The following HACD2 variants were observed in gnomAD, a reference collection of about 807,000 sequenced individuals.
HACD2 encodes the protein very-long-chain (3R)-3-hydroxyacyl-CoA dehydratase 2.
In HACD2, 15 loss-of-function variants were observed where a neutral mutation model predicts 31.0. The observed-to-expected ratio is 0.48, with a 90% CI of 0.32 to 0.75. The LOEUF is 0.75. HACD2 is among the 30% of genes least tolerant of loss of function. The pLI is 0.03. For missense variants in HACD2, 283 were observed against 313.0 expected (o/e 0.90, Z 0.72); for synonymous variants, 115 against 122.2 (o/e 0.94, Z 0.39).
chr3:123,579,749 G>A (rs2056945875), intron 2 of HACD2, among the ~76,000 whole-genome samples: 1 of 152,120 alleles, frequency 6.6e-6, no homozygotes. Flanking sequence ...GTAGCTTGTG[G>A]GAACTGTACT....
At chr3:123,534,363 T>C (rs1297197856) in intron 3 of HACD2, among the ~76,000 whole-genome samples, 1 of 152,016 alleles carries the variant, frequency 6.6e-6, no homozygotes, top group Non-Finnish European at 1.5e-5. Flanking sequence ...TACCTAGTAA[T>C]GTCCATTGTT....
At chr3:123,546,412 T>C (rs1269923826) in intron 3 of HACD2, among the ~76,000 whole-genome samples, 3 of 152,204 alleles carry the variant, frequency 2.0e-5, no homozygotes, top group African/African-American at 7.2e-5. Flanking sequence ...GGGTTAGCAA[T>C]GTACCCTGCT....
At chr3:123,573,962 T>C (rs2056881276) in intron 2 of HACD2, among the ~76,000 whole-genome samples, 1 of 152,256 alleles carries the variant, frequency 6.6e-6, no homozygotes, top group African/African-American at 2.4e-5. Context: ...TGGGGAAAAA[T>C]GTAAGGTCAC....
chr3:123,534,798 T>TTGTGTGTGTGTGTGTGTGTGTGTGTGTG (rs71142740), intron 3 of HACD2, among the ~76,000 whole-genome samples: 145 of 149,194 alleles, frequency 9.7e-4, no homozygotes, highest in African/African-American at 3.5e-3. Flanking sequence ...AGACGTAGGC[T>TTGTGTGTGTGTGTGTGTGTGTGTGTGTG]TGTGTGTGTG....
At chr3:123,534,376 CATT>C (rs1311420451) in intron 3 of HACD2, among the ~76,000 whole-genome samples, 1 of 151,358 alleles carries the variant, frequency 6.6e-6, no homozygotes, top group African/African-American at 2.4e-5. Context: ...CCATTGTTAA[CATT>C]ATAATGCAAC....
At chr3:123,505,987 G>A (rs992609458) in intron 4 of HACD2, among the ~76,000 whole-genome samples, 4 of 152,226 alleles carry the variant, frequency 2.6e-5, no homozygotes, top group African/African-American at 9.6e-5. Context: ...CCAAGGACAG[G>A]GGGCTGAGCT....
chr3:123,518,399 T>C (rs1012445740), intron 4 of HACD2, among the ~76,000 whole-genome samples: 2 of 152,232 alleles, frequency 1.3e-5, no homozygotes, highest in Non-Finnish European at 2.9e-5. Flanking sequence ...TTTTCTTCCA[T>C]GTTCTTTTAA....
chr3:123,580,056 C>A (rs2056949303), intron 2 of HACD2, among the ~76,000 whole-genome samples: 1 of 151,748 alleles, frequency 6.6e-6, no homozygotes, highest in African/African-American at 2.4e-5. Context: ...TTCATCATAC[C>A]ACCTACTTAA....
chr3:123,497,593 A>G (rs2055849186), intron 6 of HACD2, among the ~76,000 whole-genome samples: 1 of 152,176 alleles, frequency 6.6e-6, no homozygotes, highest in South Asian at 2.1e-4. Context: ...TCATCAATGT[A>G]TCTTGCCCTT....
At chr3:123,567,230 C>T (rs1459061870) in intron 3 of HACD2, among the ~76,000 whole-genome samples, 3 of 152,178 alleles carry the variant, frequency 2.0e-5, no homozygotes, top group Admixed American at 6.5e-5. Context: ...TTTGATGACT[C>T]GCCCCTCCCC....
At chr3:123,579,479 T>C (rs1368465923) in intron 2 of HACD2, among the ~76,000 whole-genome samples, 2 of 152,054 alleles carry the variant, frequency 1.3e-5, no homozygotes, top group East Asian at 3.9e-4. Flanking sequence ...AAAAAATTTT[T>C]TTTTTGTAGA....
rs908375596 is a variant in HACD2, at chr3:123,498,458, G to C, written c.682+2057C>G. ...CTGTTGGAACAGAGCTGCACAGCAG[G>C]AGGTGAGTGGTGGGCAAATGAGCAT... On this transcript the variant is annotated intron_variant, in intron 6 of 6. Coordinates refer to ENST00000383657, the MANE Select transcript of HACD2 (RefSeq NM_198402.5). Among the ~76,000 whole-genome samples the C allele has an allele frequency of 5.9e-5, 9 of 152,194 alleles. 1 individual carries two copies. In the East Asian group the frequency reaches 1.3e-3, roughly 23 times the overall value.
At chr3:123,536,082 T>C (rs1414702241) in intron 3 of HACD2, among the ~76,000 whole-genome samples, 1 of 152,248 alleles carries the variant, frequency 6.6e-6, no homozygotes, top group Admixed American at 6.5e-5. Flanking sequence ...GGAAGAATTT[T>C]ATACACATTC....
intron 4 of HACD2, among the ~76,000 whole-genome samples, chr3:123,515,375 A>G (rs924599392): frequency 2.0e-5 from 3 of 152,196 alleles, no homozygotes; most frequent in South Asian, 4.1e-4. Flanking sequence ...AGTGCTTAGC[A>G]CAATGCCTGG....
intron 4 of HACD2, among the ~76,000 whole-genome samples, chr3:123,505,723 A>T (rs1158138295): frequency 6.6e-6 from 1 of 152,246 alleles, no homozygotes; most frequent in African/African-American, 2.4e-5. Flanking sequence ...GTCTGCTAGA[A>T]GAACTCTTCA....
intron 4 of HACD2, among the ~76,000 whole-genome samples, chr3:123,509,412 C>T (rs1471943448): frequency 6.6e-6 from 1 of 151,728 alleles, no homozygotes; most frequent in Admixed American, 6.6e-5. Context: ...AAAGTAAAAA[C>T]TATTATAAAT....
intron 4 of HACD2, among the ~76,000 whole-genome samples, chr3:123,503,833 G>C (rs942060335): frequency 6.6e-6 from 1 of 151,972 alleles, no homozygotes; most frequent in Non-Finnish European, 1.5e-5. Flanking sequence ...AATACAGCAA[G>C]GGAATGGCAT....
intron 6 of HACD2, among the ~76,000 whole-genome samples, chr3:123,497,898 A>G (rs1242707407): frequency 6.6e-6 from 1 of 152,246 alleles, no homozygotes; most frequent in African/African-American, 2.4e-5. Flanking sequence ...ACTTGCCACT[A>G]AAGATTAAAA....
chr3:123,551,462 A>T (rs1304647811), intron 3 of HACD2, among the ~76,000 whole-genome samples: 2 of 151,908 alleles, frequency 1.3e-5, no homozygotes, highest in South Asian at 2.1e-4. Flanking sequence ...CTACTAAAAA[A>T]AAATATATAA....
Sources: gnomAD v4.1 joint callset for allele counts (sites outside exome capture counted in the v4.1 genomes callset) on GRCh38, gnomAD v4.1.1 for gene constraint, MANE v1.5 for transcripts, NCBI Gene and HGNC (gene_info 2026-07-23, HGNC 2026-07-21) for gene names.